FBXO3: variants seen among roughly 807,000 people sequenced by gnomAD.
FBXO3 encodes F-box protein 3.
A neutral mutation model predicts 64.8 loss-of-function variants in FBXO3; 17 were observed. That is an observed-to-expected ratio of 0.26 (90% CI 0.18 to 0.39). The LOEUF (loss-of-function observed/expected upper bound fraction) is 0.39, where lower values mean the gene tolerates loss of function less well. Among genes scored for constraint, FBXO3 ranks in the 10% least tolerant of loss-of-function variants. The pLI, the probability that FBXO3 is intolerant of heterozygous loss-of-function variation, is 1.00. For synonymous variants in FBXO3, 182 were observed against 201.6 expected, an observed-to-expected ratio of 0.90 and a Z score of 0.82; for missense variants, 420 against 589.9, an observed-to-expected ratio of 0.71 and a Z score of 2.98.
chr11:33,773,565 C>G (rs1201429435), intron 1 of FBXO3: 1 of 152,260 alleles, frequency 6.6e-6, no homozygotes, highest in Non-Finnish European at 1.5e-5. Context: ...AGCCATGCCA[C>G]CCCCTGTCAA....
At chr11:33,750,717 G>C in intron 7 of FBXO3, 56 bp from the exon 8 acceptor site, 1 of 1,511,318 alleles carries the variant, frequency 6.6e-7, no homozygotes, top group Non-Finnish European at 9.1e-7. Flanking sequence ...TAAAAGATAC[G>C]ATGCAAAATA....
At chr11:33,746,605 T>A in intron 10 of FBXO3, 1 of 704,396 alleles carries the variant, frequency 1.4e-6, no homozygotes, top group Non-Finnish European at 2.5e-6. Context: ...TCTTTAATCA[T>A]GTTATAGTCT....
intron 9 of FBXO3, 41 bp from the exon 10 acceptor site, chr11:33,747,361 C>G (rs1286374554): frequency 6.7e-7 from 1 of 1,487,060 alleles, no homozygotes; most frequent in South Asian, 1.2e-5. Context: ...GTATAAAATT[C>G]ATTTCTTTAT....
chr11:33,748,368 G>A (rs1317659287), intron 9 of FBXO3, among the ~76,000 whole-genome samples: 2 of 152,198 alleles, frequency 1.3e-5, no homozygotes, highest in Non-Finnish European at 2.9e-5. Flanking sequence ...AGGGCTCAGA[G>A]ACTTCAGATA....
chr11:33,769,036 G>A, intron 2 of FBXO3, 22 bp from the exon 3 acceptor site: 2 of 1,571,238 alleles, frequency 1.3e-6, no homozygotes, highest in Non-Finnish European at 1.7e-6. Flanking sequence ...AAAAACATGA[G>A]ATTTTAAATC....
intron 3 of FBXO3, chr11:33,767,665 C>T (rs1855410423): frequency 6.6e-6 from 1 of 152,198 alleles, no homozygotes; most frequent in South Asian, 2.1e-4. Context: ...ATTATTTATC[C>T]CATAGGACTT....
intron 4 of FBXO3, among the ~76,000 whole-genome samples, chr11:33,757,782 C>A (rs560871232): frequency 6.7e-6 from 1 of 149,784 alleles, no homozygotes; most frequent in Admixed American, 6.7e-5. Context: ...CATGACAAGA[C>A]CCCATCTCTA....
At chr11:33,754,598 TA>T in intron 5 of FBXO3, 98 bp from the exon 6 acceptor site, 1 of 1,024,208 alleles carries the variant, frequency 9.8e-7, no homozygotes, top group Non-Finnish European at 1.4e-6. Flanking sequence ...GCAAAACAGA[TA>T]AAAATAAAGT....
intron 3 of FBXO3, among the ~76,000 whole-genome samples, chr11:33,759,681 A>T (rs1322118536): frequency 6.6e-6 from 1 of 152,230 alleles, no homozygotes; most frequent in Non-Finnish European, 1.5e-5. Context: ...AAAAACAACT[A>T]GGCCTATACC....
At chr11:33,753,154 G>C (rs7108627) in intron 6 of FBXO3, 43,478 of 152,084 alleles carry the variant, frequency 0.29, 6,596 homozygotes, top group African/African-American at 0.38. Flanking sequence ...TGATGGTTCT[G>C]GAGCTTTATC....
chr11:33,757,737 T>G (rs6484665), intron 4 of FBXO3, among the ~76,000 whole-genome samples: 95,198 of 145,332 alleles, frequency 0.66, 31,400 homozygotes, highest in Middle Eastern at 0.7. Context: ...GGCAGGAATT[T>G]TTTGAGCCCA....
intron 3 of FBXO3, among the ~76,000 whole-genome samples, chr11:33,759,119 A>G (rs916790505): frequency 1.3e-5 from 2 of 152,226 alleles, no homozygotes; most frequent in African/African-American, 4.8e-5. Context: ...AAATAATGAC[A>G]AATACCAAGA....
intron 3 of FBXO3, among the ~76,000 whole-genome samples, chr11:33,765,308 T>A (rs1363271242): frequency 6.6e-6 from 1 of 152,126 alleles, no homozygotes; most frequent in African/African-American, 2.4e-5. Flanking sequence ...AAGTTCATTT[T>A]AAAAAAAGAG....
Position 33,751,627 on chromosome 11 carries a change from G to T in FBXO3, c.725-20C>A. ...TAGCACCTATAAAGCAGGAAAGGGA[G>T]AAAAAAAGAAAAGAACAAATAGTTT... On this transcript the variant is annotated intron_variant, in intron 6 of 10. Coordinates refer to ENST00000265651, the MANE Select transcript of FBXO3 (RefSeq NM_012175.4). 7.2e-7 allele frequency: 1 copy of T among 1,389,774 alleles called. No individual in the cohort carries two copies. The highest frequency in any genetic ancestry group is 1.0e-6 in the Non-Finnish European group (1 of 1,003,770). The allele number at this position is 1,389,774 out of a possible 1,614,324, so 86.1% of individuals were successfully genotyped here.
chr11:33,751,397 A>G, intron 7 of FBXO3, 126 bp downstream of exon 7: 2 of 627,284 alleles, frequency 3.2e-6, no homozygotes, highest in Middle Eastern at 4.2e-4. Context: ...ACAATCTTCT[A>G]TTATCAACCT....
At chr11:33,759,010 T>C (rs1190910679) in intron 3 of FBXO3, among the ~76,000 whole-genome samples, 2 of 152,224 alleles carry the variant, frequency 1.3e-5, no homozygotes, top group South Asian at 2.1e-4. Context: ...ATGGGAAATA[T>C]AGGACATAAG....
Position 33,747,155 on chromosome 11 carries a change from G to A in FBXO3, c.1214C>T (p.Thr405Ile), listed in dbSNP as rs1038107723. ...CAATCGGGCTATAGACACCCTGAAT[G>A]TTGGACATGCCATATGGAATCGGGG... ...AIPRFHMACP[T>I]FRVSIARLEM... Residue 405 changes from threonine to isoleucine, a missense_variant, in exon 10 of 11, where the codon ACA (threonine) becomes ATA (isoleucine). Coordinates refer to ENST00000265651, the MANE Select transcript of FBXO3 (RefSeq NM_012175.4). 1 of 1,608,116 alleles carries A rather than the reference G, an allele frequency of 6.2e-7. No homozygotes were observed. Among genetic ancestry groups the A allele is most frequent in the Non-Finnish European group, 8.5e-7 (1 of 1,178,642 alleles).
rs770433868 is a variant in FBXO3 at position 33,750,651 on chromosome 11, C to T, written c.820G>A (p.Asp274Asn). 17 of 1,612,414 alleles carry T rather than the reference C, an allele frequency of 1.1e-5. No individual in the cohort carries two copies. The highest frequency in any genetic ancestry group is 2.2e-5 in the East Asian group (1 of 44,854). Residue 274 changes from aspartate (D) to asparagine (N), a missense_variant, in exon 8 of 11, where the codon GAT becomes AAT. Transcript: ENST00000265651. Reference sequence around the variant, plus strand: ...CCAGTTGTTGCTACACATTCTGGATCGTGAACATATCTAGGTAATTTAAAA... The same window carrying T: ...CCAGTTGTTGCTACACATTCTGGATTGTGAACATATCTAGGTAATTTAAAA... ...IRDQIFRYVH[D>N]PECVATTGDI...
intron 10 of FBXO3, 47 bp downstream of exon 10, chr11:33,747,083 A>G: frequency 6.2e-7 from 1 of 1,602,714 alleles, no homozygotes; most frequent in Non-Finnish European, 8.5e-7. Context: ...TGCAGTGTTA[A>G]CCCTACAAAG....
Sources: allele counts gnomAD v4.1 joint callset (sites outside exome capture counted in the v4.1 genomes callset), GRCh38; gene constraint gnomAD v4.1.1; transcripts MANE v1.5; gene names NCBI Gene and HGNC (gene_info 2026-07-23, HGNC 2026-07-21).